Variants in PARM1 observed in about 807,000 individuals in gnomAD.
The protein encoded by PARM1 is prostate androgen-regulated mucin-like protein 1.
Under a neutral mutation model 24.6 loss-of-function variants are expected in PARM1, and 14 were observed. That is an observed-to-expected ratio of 0.57 (90% CI 0.38 to 0.89). PARM1 has a LOEUF of 0.89. Ranked by LOEUF, PARM1 falls within the 40% of genes least tolerant of loss-of-function variation. PARM1 has a pLI of 0.00. For synonymous variants in PARM1, 179 were observed against 156.6 expected, an observed-to-expected ratio of 1.14 and a Z score of -1.07; for missense variants, 362 against 380.4, an observed-to-expected ratio of 0.95 and a Z score of 0.40.
At chr4:75,041,689 A>G (rs1378984393) in intron 3 of PARM1, among the ~76,000 whole-genome samples, 1 of 152,222 alleles carries the variant, frequency 6.6e-6, no homozygotes, top group Non-Finnish European at 1.5e-5. Flanking sequence ...AGAATACCTC[A>G]AGCCACAAAT....
chr4:74,995,176 A>G (rs796799963), intron 1 of PARM1, among the ~76,000 whole-genome samples: 2 of 152,200 alleles, frequency 1.3e-5, no homozygotes, highest in African/African-American at 4.8e-5. Flanking sequence ...TTGGGGCTTA[A>G]TTGGGAGCCT....
At chr4:75,021,660 T>C (rs1388872924) in intron 2 of PARM1, among the ~76,000 whole-genome samples, 1 of 152,162 alleles carries the variant, frequency 6.6e-6, no homozygotes, top group Non-Finnish European at 1.5e-5. Context: ...CCCTTCTTTG[T>C]GTCTACGTAT....
At chr4:74,934,555 C>A (rs1289665995) in intron 1 of PARM1, among the ~76,000 whole-genome samples, 1 of 152,180 alleles carries the variant, frequency 6.6e-6, no homozygotes, top group South Asian at 2.1e-4. Context: ...AGTGAACGTC[C>A]GTCTGAGAAA....
intron 1 of PARM1, among the ~76,000 whole-genome samples, chr4:74,988,252 T>C (rs1369399104): frequency 6.6e-6 from 1 of 152,220 alleles, no homozygotes; most frequent in Non-Finnish European, 1.5e-5. Context: ...TATACATATT[T>C]ACCCAGTGGT....
intron 1 of PARM1, among the ~76,000 whole-genome samples, chr4:74,973,902 A>G (rs916687575): frequency 6.6e-6 from 1 of 151,530 alleles, no homozygotes; most frequent in African/African-American, 2.4e-5. Context: ...AGAGAGAGAA[A>G]GAAAGAGAGA....
chr4:74,961,881 A>G (rs114377371), intron 1 of PARM1, among the ~76,000 whole-genome samples: 5,749 of 152,300 alleles, frequency 0.038, 127 homozygotes, highest in Middle Eastern at 0.13. Flanking sequence ...TGAATAAATA[A>G]TAAAGATCTC....
chr4:74,951,681 G>A (rs1167151113), intron 1 of PARM1, among the ~76,000 whole-genome samples: 3 of 152,076 alleles, frequency 2.0e-5, no homozygotes, highest in African/African-American at 4.8e-5. Flanking sequence ...GTGAGAATAC[G>A]CGGTGTTTGG....
At chr4:74,958,937 T>G (rs2109988147) in intron 1 of PARM1, among the ~76,000 whole-genome samples, 1 of 152,330 alleles carries the variant, frequency 6.6e-6, no homozygotes, top group South Asian at 2.1e-4. Flanking sequence ...ATAAATAATG[T>G]TCACATTAGG....
At chr4:74,976,432 A>G (rs139845397) in intron 1 of PARM1, among the ~76,000 whole-genome samples, 55 of 152,268 alleles carry the variant, frequency 3.6e-4, no homozygotes, top group African/African-American at 1.3e-3. Context: ...CCAGGGGTTT[A>G]CAGACAGAAC....
Position 75,047,622 on chromosome 4 carries a change from A to G in PARM1, c.*1375A>G, listed in dbSNP as rs965946780. ...CTAGAAGCCAGGAATGCTGCCAAAC[A>G]TTCTACCATGCACAGCACAACCTAC... is the stretch of plus-strand genomic sequence containing the variant. On this transcript the variant is annotated 3_prime_UTR_variant, in exon 4 of 4. Coordinates refer to ENST00000307428, the MANE Select transcript of PARM1 (RefSeq NM_015393.4). The G allele has an allele frequency of 6.6e-6, 1 of 152,226 alleles. No individual in the cohort carries two copies. Among genetic ancestry groups the G allele is most frequent in the Non-Finnish European group, 1.5e-5 (1 of 68,040 alleles). 9.4% of individuals were successfully genotyped at this position (152,226 alleles called of 1,614,324 possible).
chr4:74,947,960 G>A (rs910768278), intron 1 of PARM1, among the ~76,000 whole-genome samples: 2 of 152,224 alleles, frequency 1.3e-5, no homozygotes, highest in Non-Finnish European at 2.9e-5. Context: ...GGCCAGAGAA[G>A]CAGAGAGGTC....
intron 1 of PARM1, among the ~76,000 whole-genome samples, chr4:74,979,121 A>G (rs1344084879): frequency 2.0e-5 from 3 of 151,986 alleles, no homozygotes; most frequent in Non-Finnish European, 4.4e-5. Context: ...GAGGAACAGA[A>G]GGAGATAGAG....
At position 74,933,152 on chromosome 4, in the gene PARM1, G is replaced by C. The variant is rs573834987; in HGVS notation, c.-176G>C. ...GAGCACCGGAGGGCACGCAGCTGAC[G>C]GAGCTGCGCTGCGTTCGCCTCGTTT... On this transcript the variant is annotated 5_prime_UTR_variant, in exon 1 of 4. Transcript: ENST00000307428. The C allele has an allele frequency of 6.8e-5, 38 of 561,454 alleles. No homozygotes were observed. In the African/African-American group the frequency reaches 7.5e-4, roughly 11 times the overall value. 34.8% of individuals were successfully genotyped at this position (561,454 alleles called of 1,614,324 possible).
At position 75,046,477 on chromosome 4, in the gene PARM1, G is replaced by T; in HGVS notation, c.*230G>T. The T allele has an allele frequency of 2.3e-6, 1 of 440,476 alleles. No individual in the cohort carries two copies. The highest frequency in any genetic ancestry group is 4.2e-6 in the Non-Finnish European group (1 of 240,152). The allele number at this position is 440,476 out of a possible 1,614,324, so 27.3% of individuals were successfully genotyped here. A position where few individuals can be genotyped will look rare whatever the true frequency, so the allele number is the denominator to read the frequency against. ...GGAGGCTGATTTGCAGCTGAAGTGGGCCAGCCTTGCACCAGCCAGGCCAGA... is the reference window on the plus strand; with the variant it reads ...GGAGGCTGATTTGCAGCTGAAGTGGTCCAGCCTTGCACCAGCCAGGCCAGA... On this transcript the variant is annotated 3_prime_UTR_variant, in exon 4 of 4. Transcript: ENST00000307428.
rs77865580 is a variant in PARM1, at chr4:75,038,626, G to A, written c.848+4665G>A. Among the ~76,000 whole-genome samples, 443 of 152,318 alleles carry A rather than the reference G, an allele frequency of 2.9e-3. 3 individuals carry two copies. Among genetic ancestry groups the A allele is most frequent in the African/African-American group, 0.01 (424 of 41,554 alleles). ...AGTTTCGTTAGTGCTATTCTGAAACGTCTGTGAAGTTGAATCCATGTTACA... is the reference window on the plus strand; with the variant it reads ...AGTTTCGTTAGTGCTATTCTGAAACATCTGTGAAGTTGAATCCATGTTACA... On this transcript the variant is annotated intron_variant, in intron 3 of 3. Transcript: ENST00000307428.
chr4:74,942,012 A>G (rs6850165), intron 1 of PARM1, among the ~76,000 whole-genome samples: 148,028 of 152,336 alleles, frequency 0.97, 72,059 homozygotes, highest in East Asian at 1. Context: ...AGCAAGGAAT[A>G]CCAACTCTGT....
At chr4:74,988,684 G>C (rs900403979) in intron 1 of PARM1, among the ~76,000 whole-genome samples, 2 of 152,106 alleles carry the variant, frequency 1.3e-5, no homozygotes, top group African/African-American at 4.8e-5. Flanking sequence ...TATGTATCAG[G>C]GGCTGTTTTA....
intron 1 of PARM1, among the ~76,000 whole-genome samples, chr4:74,936,476 T>C (rs1721190728): frequency 6.8e-6 from 1 of 148,068 alleles, no homozygotes; most frequent in African/African-American, 2.5e-5. Context: ...TTTTTTGAGA[T>C]GGAGTCTCTC....
intron 1 of PARM1, chr4:74,956,157 C>A (rs981486478): frequency 6.6e-6 from 1 of 152,106 alleles, no homozygotes; most frequent in African/African-American, 2.4e-5. Context: ...ATAGAGATGA[C>A]AAAAGTCAAA....
Sources: gnomAD v4.1 joint callset for allele counts (sites outside exome capture counted in the v4.1 genomes callset) on GRCh38, gnomAD v4.1.1 for gene constraint, MANE v1.5 for transcripts, NCBI Gene and HGNC (gene_info 2026-07-23, HGNC 2026-07-21) for gene names.